The following OTUD7A variants were observed in gnomAD, a reference collection of about 807,000 sequenced individuals.
OTUD7A encodes OTU domain-containing protein 7A.
A neutral mutation model predicts 65.7 loss-of-function variants in OTUD7A; 12 were observed. That is an observed-to-expected ratio of 0.18 (90% CI 0.12 to 0.30). The LOEUF is 0.30. OTUD7A is among the 10% of genes least tolerant of loss of function. OTUD7A has a pLI of 1.00. For missense variants in OTUD7A, 1,148 were observed against 1,304.8 expected, an observed-to-expected ratio of 0.88 and a Z score of 1.85; for synonymous variants, 641 against 586.3, an observed-to-expected ratio of 1.09 and a Z score of -1.35.
intron 1 of OTUD7A, among the ~76,000 whole-genome samples, chr15:31,701,210 G>A (rs1296308407): frequency 6.6e-6 from 1 of 151,552 alleles, no homozygotes; most frequent in Admixed American, 6.6e-5. Context: ...AGTGAGAAAA[G>A]TAGTGAAATT....
chr15:31,822,654 T>C (rs952917962), intron 1 of OTUD7A, among the ~76,000 whole-genome samples: 4 of 152,188 alleles, frequency 2.6e-5, no homozygotes, highest in African/African-American at 9.7e-5. Context: ...TTTCTTTAAA[T>C]AGCACACTGC....
chr15:31,609,489 G>A (rs1890333948), intron 3 of OTUD7A, among the ~76,000 whole-genome samples: 1 of 152,104 alleles, frequency 6.6e-6, no homozygotes, highest in African/African-American at 2.4e-5. Context: ...AGCAGAGGCA[G>A]CCATAATCCT....
intron 6 of OTUD7A, among the ~76,000 whole-genome samples, chr15:31,527,521 T>C (rs2042031311): frequency 6.6e-6 from 1 of 152,256 alleles, no homozygotes. Context: ...CATCCTGTTC[T>C]TAGCAAAACA....
intron 4 of OTUD7A, among the ~76,000 whole-genome samples, chr15:31,559,915 C>A (rs990569535): frequency 6.6e-6 from 1 of 152,248 alleles, no homozygotes; most frequent in African/African-American, 2.4e-5. Flanking sequence ...ATCCTGCAGG[C>A]CTTCCTGCTG....
rs559516470 is a variant in OTUD7A, at chr15:31,688,893, G to A, written c.-99-31816C>T. On this transcript the variant is annotated intron_variant, in intron 1 of 12. Coordinates refer to ENST00000307050, the MANE Select transcript of OTUD7A (RefSeq NM_001382637.1). ...TATAAAATAAAAAGTAGGCAAGAAG[G>A]TATATAAAAATTTTGTTCCAAGAGT... Among the ~76,000 whole-genome samples the A allele has an allele frequency of 9.5e-4, 145 of 152,038 alleles. 3 individuals carry two copies. The East Asian group carries it at 0.026, about 27-fold the overall frequency.
At position 31,476,180 on chromosome 15, in the gene OTUD7A, G is replaced by A. The variant is rs1232646808; in HGVS notation, c.*7114C>T. 1.3e-5 allele frequency: 2 copies of A among 152,254 alleles called. No individual in the cohort carries two copies. The highest frequency in any genetic ancestry group is 2.9e-5 in the Non-Finnish European group (2 of 68,072). The allele number at this position is 152,254 out of a possible 1,614,324, so 9.4% of individuals were successfully genotyped here. ...ACTAAGAGCCCAGCCTTTCCCACCT[G>A]GGGGCCCAGGGAAGACAAGCTCCTA... On this transcript the variant is annotated 3_prime_UTR_variant, in exon 13 of 13. Coordinates refer to ENST00000307050, the MANE Select transcript of OTUD7A (RefSeq NM_001382637.1).
intron 1 of OTUD7A, among the ~76,000 whole-genome samples, chr15:31,832,170 T>C (rs1896949784): frequency 6.6e-6 from 1 of 152,226 alleles, no homozygotes; most frequent in Admixed American, 6.5e-5. Flanking sequence ...CCTCCAAGCT[T>C]GACCCAGAGG....
chr15:31,540,188 T>C (rs1214040340), intron 5 of OTUD7A, among the ~76,000 whole-genome samples: 1 of 152,198 alleles, frequency 6.6e-6, no homozygotes, highest in Non-Finnish European at 1.5e-5. Context: ...AAGTGTCTTC[T>C]GTCAATCCCC....
At chr15:31,844,994 AC>A (rs1024936844) in intron 1 of OTUD7A, among the ~76,000 whole-genome samples, 2 of 152,012 alleles carry the variant, frequency 1.3e-5, no homozygotes, top group African/African-American at 2.4e-5. Flanking sequence ...AGACCCTGCT[AC>A]CCCCAGCAAA....
At chr15:31,834,843 G>A (rs1029731460) in intron 1 of OTUD7A, among the ~76,000 whole-genome samples, 34 of 152,212 alleles carry the variant, frequency 2.2e-4, no homozygotes, top group Admixed American at 1.0e-3. Flanking sequence ...ATTGCAAATA[G>A]GACTGAGGTG....
chr15:31,581,243 T>C (rs939546315), intron 3 of OTUD7A, among the ~76,000 whole-genome samples: 1 of 152,246 alleles, frequency 6.6e-6, no homozygotes, highest in Non-Finnish European at 1.5e-5. Flanking sequence ...CTCCACCCTG[T>C]GGCTTTGCAG....
chr15:31,859,553 A>G (rs115711776), intron 1 of OTUD7A, among the ~76,000 whole-genome samples: 2,379 of 152,342 alleles, frequency 0.016, 66 homozygotes, highest in African/African-American at 0.054. Flanking sequence ...AAGGAGACCA[A>G]CTTTCTTTCC....
intron 1 of OTUD7A, among the ~76,000 whole-genome samples, chr15:31,690,932 A>T (rs1279830349): frequency 6.6e-6 from 1 of 152,196 alleles, no homozygotes; most frequent in Non-Finnish European, 1.5e-5. Flanking sequence ...AAATAGATAA[A>T]ATGGACTTCA....
intron 1 of OTUD7A, among the ~76,000 whole-genome samples, chr15:31,667,192 T>A (rs1341035958): frequency 1.3e-5 from 2 of 152,096 alleles, no homozygotes; most frequent in Non-Finnish European, 2.9e-5. Flanking sequence ...TGACTTTCTA[T>A]CTTGATGACC....
chr15:31,756,129 G>A (rs947391802), intron 1 of OTUD7A, among the ~76,000 whole-genome samples: 3 of 152,210 alleles, frequency 2.0e-5, no homozygotes, highest in African/African-American at 4.8e-5. Flanking sequence ...ACACTTCAGC[G>A]CCTGTGGACA....
chr15:31,864,151 C>T (rs941264250), intron 1 of OTUD7A, among the ~76,000 whole-genome samples: 1 of 152,200 alleles, frequency 6.6e-6, no homozygotes, highest in African/African-American at 2.4e-5. Context: ...TTGCTGTCAG[C>T]ATTTTTGTCA....
chr15:31,750,284 T>C (rs952975160), intron 1 of OTUD7A, among the ~76,000 whole-genome samples: 1 of 151,344 alleles, frequency 6.6e-6, no homozygotes, highest in Non-Finnish European at 1.5e-5. Context: ...GGCAGGCACC[T>C]ATAATCCCAG....
In OTUD7A at chr15:31,483,297, G is replaced by C. The variant is rs12903732; in HGVS notation, c.2799C>G (p.Pro933=). 1.8e-5 allele frequency: 21 copies of C among 1,163,022 alleles called. No homozygotes were observed. The highest frequency in any genetic ancestry group is 2.1e-5 in the Non-Finnish European group (20 of 944,058). The allele number at this position is 1,163,022 out of a possible 1,614,324, so 72.0% of individuals were successfully genotyped here. A position where few individuals can be genotyped will look rare whatever the true frequency, so the allele number is the denominator to read the frequency against. ...RRRREARGAR[P] ...CGCCCGCGCCGCGCCGCGCCGCTCA[G>C]GGCCGGGCCCCGCGCGCCTCGCGCC... Residue 933 remains proline, a synonymous_variant, in exon 13 of 13, where the codon CCC becomes CCG. Transcript: ENST00000307050.
intron 1 of OTUD7A, among the ~76,000 whole-genome samples, chr15:31,842,395 G>A (rs1450944592): frequency 2.6e-5 from 4 of 152,336 alleles, no homozygotes; most frequent in Admixed American, 2.6e-4. Flanking sequence ...AAGGACTAAG[G>A]GAAAGAGAGG....
Sources: allele counts gnomAD v4.1 joint callset (sites outside exome capture counted in the v4.1 genomes callset), GRCh38; gene constraint gnomAD v4.1.1; transcripts MANE v1.5; gene names NCBI Gene and HGNC (gene_info 2026-07-23, HGNC 2026-07-21).